The following CHRDL1 variants were observed in gnomAD, a reference collection of about 807,000 sequenced individuals.
CHRDL1 encodes chordin-like protein 1.
A neutral mutation model predicts 40.9 loss-of-function variants in CHRDL1; 19 were observed. The ratio of observed to expected loss-of-function variants is 0.46; its 90% CI spans 0.32 to 0.68. CHRDL1 has a LOEUF of 0.68. CHRDL1 is among the 30% of genes least tolerant of loss of function. The pLI, the probability that CHRDL1 is intolerant of heterozygous loss-of-function variation, is 0.03. For missense variants in CHRDL1, 329 were observed against 352.1 expected (o/e 0.93, Z 0.53); for synonymous variants, 136 against 123.4 (o/e 1.10, Z -0.68).
chrX:110,688,884 A>G (rs959544192), intron 8 of CHRDL1, 81 bp from the exon 9 acceptor site: 2 of 691,919 alleles, frequency 2.9e-6, no homozygotes, highest in African/African-American at 4.4e-5. Flanking sequence ...GCCCTGAACT[A>G]CTTAACATAT....
At chrX:110,715,957 C>T (rs2070833843) in intron 6 of CHRDL1, among the ~76,000 whole-genome samples, 1 of 112,476 alleles carries the variant, frequency 8.9e-6, no homozygotes, top group African/African-American at 3.2e-5. Flanking sequence ...TATACACACA[C>T]ACATTGTGAG....
At chrX:110,735,737 G>A (rs2071252008) in intron 4 of CHRDL1, among the ~76,000 whole-genome samples, 1 of 112,386 alleles carries the variant, frequency 8.9e-6, no homozygotes, top group African/African-American at 3.2e-5. Flanking sequence ...AAGAAGTCAA[G>A]TCCAGGGGGT....
At chrX:110,738,120 G>A (rs1408440510) in intron 4 of CHRDL1, among the ~76,000 whole-genome samples, 1 of 112,293 alleles carries the variant, frequency 8.9e-6, no homozygotes, top group African/African-American at 3.2e-5. Context: ...TATAGCTAGG[G>A]AGAAAAGGAA....
chrX:110,751,387 G>C, intron 4 of CHRDL1, among the ~76,000 whole-genome samples: 1 of 111,896 alleles, frequency 8.9e-6, no homozygotes, highest in Non-Finnish European at 1.9e-5. Flanking sequence ...ATTCTGCAAA[G>C]TGCCTCCAAA....
chrX:110,706,193 G>A (rs1339623741), intron 6 of CHRDL1, among the ~76,000 whole-genome samples: 1 of 111,099 alleles, frequency 9.0e-6, no homozygotes, highest in African/African-American at 3.3e-5. Flanking sequence ...TCTGATCACT[G>A]GAAAGATTAT....
chrX:110,763,692 A>C (rs754104843), intron 2 of CHRDL1, among the ~76,000 whole-genome samples: 1 of 111,091 alleles, frequency 9.0e-6, no homozygotes, highest in Non-Finnish European at 1.9e-5. Context: ...TTGTGCTGCT[A>C]TAAACATGCG....
chrX:110,792,305 T>A, intron 1 of CHRDL1, 90 bp from the exon 2 acceptor site: 1 of 375,234 alleles, frequency 2.7e-6, no homozygotes, highest in Non-Finnish European at 4.7e-6. Flanking sequence ...CCTGCTAGAA[T>A]AAAAAAAAAA....
At chrX:110,712,415 G>T (rs2070762329) in intron 6 of CHRDL1, among the ~76,000 whole-genome samples, 1 of 111,604 alleles carries the variant, frequency 9.0e-6, no homozygotes, top group Admixed American at 9.5e-5. Context: ...AAAGAGATCA[G>T]CCAGCCAGCC....
rs188911805 is a variant in CHRDL1, at chrX:110,768,066, T to C, written c.95-5259A>G. Among the ~76,000 whole-genome samples, 3 of 112,214 alleles carry C rather than the reference T, an allele frequency of 2.7e-5. No individual in the cohort carries two copies. In the East Asian group the frequency reaches 8.5e-4, roughly 32 times the overall value. ...GGAGCATATCATGTGTTCTTTTTCT[T>C]GAAAAGGTTGTGTTCCCTTTCTTTG... On this transcript the variant is annotated intron_variant, in intron 2 of 11. Transcript: ENST00000372042.
At chrX:110,678,737 C>T (rs2069832177) in intron 11 of CHRDL1, among the ~76,000 whole-genome samples, 1 of 110,615 alleles carries the variant, frequency 9.0e-6, no homozygotes, top group African/African-American at 3.3e-5. Flanking sequence ...AAACTGTGTG[C>T]CTTTTATCCC....
At chrX:110,794,675 G>A (rs1019939261) in intron 1 of CHRDL1, among the ~76,000 whole-genome samples, 9 of 112,514 alleles carry the variant, frequency 8.0e-5, no homozygotes, top group Non-Finnish European at 1.3e-4. Context: ...AGTGTCAGGA[G>A]CCCACTTTCA....
intron 7 of CHRDL1, among the ~76,000 whole-genome samples, chrX:110,695,340 G>A (rs1028877252): frequency 1.3e-4 from 15 of 111,643 alleles, no homozygotes; most frequent in Non-Finnish European, 2.8e-4. Flanking sequence ...CATCTAGAAG[G>A]TGTTCATCAA....
At chrX:110,689,478 A>C (rs867751926) in intron 8 of CHRDL1, among the ~76,000 whole-genome samples, 5 of 41,465 alleles carry the variant, frequency 1.2e-4, no homozygotes, top group African/African-American at 8.6e-4. Flanking sequence ...CTATATATCT[A>C]TATATCTATA....
chrX:110,687,672 CAAAAAA>C (rs1179787302), intron 9 of CHRDL1, among the ~76,000 whole-genome samples: 1 of 111,364 alleles, frequency 9.0e-6, no homozygotes, highest in African/African-American at 3.3e-5. Context: ...AAGGGCCCCC[CAAAAAA>C]TCTACTCTAA....
In CHRDL1 at chrX:110,713,807, C is replaced by T. The variant is rs553230349; in HGVS notation, c.541+6028G>A. On this transcript the variant is annotated intron_variant, in intron 6 of 11. Transcript: ENST00000372042. The stretch of plus-strand genomic sequence containing the variant: ...TTAGAACATTGTCTGGCACATTGTA[C>T]GTGCTACATTTAGACACCATTTACT... Among the ~76,000 whole-genome samples, 24 of 112,402 alleles carry T rather than the reference C, an allele frequency of 2.1e-4. No individual in the cohort carries two copies. The South Asian group carries it at 5.6e-3, about 26-fold the overall frequency.
Position 110,721,483 on chromosome X carries a change from C to A in CHRDL1, c.349G>T (p.Glu117Ter), listed in dbSNP as rs747100655. 2 of 1,208,280 alleles carry A rather than the reference C, an allele frequency of 1.7e-6. No homozygotes were observed. ...TGTTGGTAAGTTGTCCCATTGTACT[C>A]GCAAGACTTGCTGGTCACCTTATTG... ...VNNKVTSKSC[E>*]YNGTTYQHGE... The change falls in exon 5 of 12, where the codon GAG (glutamate) becomes TAG (stop). Residue 117 changes from glutamate to a stop codon, truncating the protein, a stop_gained. Coordinates refer to ENST00000372042, the MANE Select transcript of CHRDL1 (RefSeq NM_001143981.2). LOFTEE classifies it high-confidence loss of function.
At chrX:110,689,471 T>C in intron 8 of CHRDL1, among the ~76,000 whole-genome samples, 1 of 51,362 alleles carries the variant, frequency 1.9e-5, no homozygotes, top group East Asian at 3.3e-4. Flanking sequence ...TATATATCTA[T>C]ATATCTATAT....
In CHRDL1 at chrX:110,712,252, A is replaced by G. The variant is rs1374666241; in HGVS notation, c.541+7583T>C. 6.2e-5 allele frequency among the ~76,000 whole-genome samples: 7 copies of G among 112,216 alleles called. No homozygotes were observed. The Admixed American group carries it at 6.7e-4, about 11-fold the overall frequency. On this transcript the variant is annotated intron_variant, in intron 6 of 11. Transcript: ENST00000372042. Reference sequence around the variant, plus strand: ...AGAGTGATTGGGCAAAACTATTAGAAGAGGTGCAACTTCAACTGGACCCTT... The same window carrying G: ...AGAGTGATTGGGCAAAACTATTAGAGGAGGTGCAACTTCAACTGGACCCTT...
At chrX:110,718,250 C>G (rs1409578801) in intron 6 of CHRDL1, among the ~76,000 whole-genome samples, 1 of 111,949 alleles carries the variant, frequency 8.9e-6, no homozygotes, top group Non-Finnish European at 1.9e-5. Context: ...TCCAAGCACC[C>G]TTTTTCTCAC....
Sources: allele counts gnomAD v4.1 joint callset (sites outside exome capture counted in the v4.1 genomes callset), GRCh38; gene constraint gnomAD v4.1.1; transcripts MANE v1.5; gene names NCBI Gene and HGNC (gene_info 2026-07-23, HGNC 2026-07-21).